Variants in BAZ2B observed in about 807,000 individuals in gnomAD.
The protein encoded by BAZ2B is bromodomain adjacent to zinc finger domain protein 2B.
A neutral mutation model predicts 246.0 loss-of-function variants in BAZ2B; 91 were observed. The ratio of observed to expected loss-of-function variants is 0.37; its 90% CI spans 0.31 to 0.44. The LOEUF is 0.44. BAZ2B is among the 20% of genes least tolerant of loss of function. The pLI, the probability that BAZ2B is intolerant of heterozygous loss-of-function variation, is 1.00. For missense variants in BAZ2B, 2,332 were observed against 2,533.7 expected, an observed-to-expected ratio of 0.92 and a Z score of 1.71; for synonymous variants, 855 against 860.0, an observed-to-expected ratio of 0.99 and a Z score of 0.10.
At chr2:159,706,401 T>A in the BAZ2B span, among the ~76,000 whole-genome samples, 1 of 152,190 alleles carries the variant, frequency 6.6e-6, no homozygotes. Context: ...GCAGAAGGAA[T>A]GCTCAAGGAA....
chr2:159,542,401 T>C (rs557892351), intron 2 of BAZ2B, among the ~76,000 whole-genome samples: 18 of 152,192 alleles, frequency 1.2e-4, no homozygotes, highest in Non-Finnish European at 2.4e-4. Context: ...TAATCAGCTA[T>C]TGAAAGCCAC....
intron 17 of BAZ2B, among the ~76,000 whole-genome samples, 182 bp downstream of exon 17, chr2:159,400,417 T>C (rs1391412539): frequency 6.6e-6 from 1 of 152,226 alleles, no homozygotes; most frequent in Admixed American, 6.5e-5. Flanking sequence ...ATATCTTTAC[T>C]GTTGGGATTA....
chr2:159,638,879 C>A, the BAZ2B span, among the ~76,000 whole-genome samples: 5 of 152,092 alleles, frequency 3.3e-5, no homozygotes, highest in Admixed American at 6.5e-5. Flanking sequence ...AAGACATCAA[C>A]ATTCAAGTAC....
chr2:159,580,707 A>G (rs1686550286), intron 1 of BAZ2B, among the ~76,000 whole-genome samples: 1 of 152,192 alleles, frequency 6.6e-6, no homozygotes, highest in Admixed American at 6.5e-5. Flanking sequence ...GGCTACAGTA[A>G]CCAAAACAGA....
intron 1 of BAZ2B, among the ~76,000 whole-genome samples, chr2:159,579,589 C>A (rs1042602979): frequency 1.3e-5 from 2 of 152,126 alleles, no homozygotes; most frequent in African/African-American, 4.8e-5. Flanking sequence ...CAACATCATC[C>A]TGATACCAAA....
At chr2:159,438,884 T>C (rs936536766) in intron 7 of BAZ2B, 125 bp downstream of exon 7, 272 of 1,262,852 alleles carry the variant, frequency 2.2e-4, no homozygotes, top group Non-Finnish European at 2.8e-4. Flanking sequence ...ATCTTCTTTC[T>C]TGGGCAAAAG....
intron 11 of BAZ2B, among the ~76,000 whole-genome samples, chr2:159,428,922 C>T (rs1380030234): frequency 6.6e-6 from 1 of 152,108 alleles, no homozygotes; most frequent in Admixed American, 6.6e-5. Context: ...TGTACTCCTG[C>T]CCTTTGCCAT....
chr2:159,668,331 T>C, the BAZ2B span, among the ~76,000 whole-genome samples: 1 of 152,208 alleles, frequency 6.6e-6, no homozygotes, highest in Admixed American at 6.5e-5. Flanking sequence ...ATGCAATGTC[T>C]AGAGCATTTG....
At chr2:159,533,140 A>T (rs2085548983) in intron 2 of BAZ2B, among the ~76,000 whole-genome samples, 1 of 151,758 alleles carries the variant, frequency 6.6e-6, no homozygotes, top group South Asian at 2.1e-4. Context: ...TTGAAGATAG[A>T]TCACAGGCAC....
intron 27 of BAZ2B, among the ~76,000 whole-genome samples, chr2:159,371,862 T>C (rs1240963607): frequency 1.3e-5 from 2 of 152,204 alleles, no homozygotes; most frequent in East Asian, 3.8e-4. Context: ...GAGCTTACTC[T>C]TTAGTGCAGA....
chr2:159,604,951 T>TGTGTGC (rs137899225), intron 1 of BAZ2B, among the ~76,000 whole-genome samples: 52,053 of 144,188 alleles, frequency 0.36, 10,296 homozygotes, highest in South Asian at 0.53. Flanking sequence ...TGTGTGTGTG[T>TGTGTGC]GCGCGTGTGT....
chr2:159,565,194 G>A (rs577874536), intron 1 of BAZ2B, among the ~76,000 whole-genome samples: 18 of 152,190 alleles, frequency 1.2e-4, no homozygotes, highest in South Asian at 2.1e-4. Flanking sequence ...ACTGGTGTCC[G>A]TGACAAGAAT....
intron 6 of BAZ2B, 133 bp from the exon 7 acceptor site, chr2:159,439,345 T>A: frequency 2.5e-6 from 2 of 785,260 alleles, no homozygotes; most frequent in Non-Finnish European, 4.0e-6. Context: ...AAGTCACATA[T>A]CGTAAGGATA....
At chr2:159,389,253 T>G in intron 21 of BAZ2B, 92 bp downstream of exon 21, 1 of 1,298,500 alleles carries the variant, frequency 7.7e-7, no homozygotes, top group Non-Finnish European at 1.0e-6. Context: ...AATGAAAGGC[T>G]TTCACAATAG....
At chr2:159,473,106 G>C (rs1371683104) in intron 3 of BAZ2B, among the ~76,000 whole-genome samples, 1 of 152,070 alleles carries the variant, frequency 6.6e-6, no homozygotes, top group East Asian at 1.9e-4. Flanking sequence ...CTGTGAATCT[G>C]TCTGGTCCTG....
chr2:159,520,189 A>G, intron 2 of BAZ2B, among the ~76,000 whole-genome samples: 1 of 152,154 alleles, frequency 6.6e-6, no homozygotes, highest in African/African-American at 2.4e-5. Context: ...AAAATGTAAC[A>G]ATGATGCATT....
chr2:159,588,226 A>AC (rs1022696479), intron 1 of BAZ2B, among the ~76,000 whole-genome samples: 2 of 151,720 alleles, frequency 1.3e-5, no homozygotes, highest in East Asian at 3.9e-4. Context: ...AAAAAAAAAA[A>AC]AAAAAACCCC....
At chr2:159,645,345 C>A in the BAZ2B span, among the ~76,000 whole-genome samples, 1 of 151,982 alleles carries the variant, frequency 6.6e-6, no homozygotes, top group Non-Finnish European at 1.5e-5. Context: ...TGGTCCCTAA[C>A]CTTTTCGGCA....
chr2:159,673,115 G>A, the BAZ2B span, among the ~76,000 whole-genome samples: 1 of 152,048 alleles, frequency 6.6e-6, no homozygotes, highest in African/African-American at 2.4e-5. Context: ...ATAAACTACA[G>A]GTAATAGGCT....
Sources: allele counts gnomAD v4.1 joint callset (sites outside exome capture counted in the v4.1 genomes callset), GRCh38; gene constraint gnomAD v4.1.1; transcripts MANE v1.5; gene names NCBI Gene and HGNC (gene_info 2026-07-23, HGNC 2026-07-21).